ASAP2: variants seen among roughly 807,000 people sequenced by gnomAD.
The protein encoded by ASAP2 is ArfGAP with SH3 domain, ankyrin repeat and PH domain 2.
Under a neutral mutation model 131.4 loss-of-function variants are expected in ASAP2, and 45 were observed. The observed-to-expected ratio is 0.34, with a 90% CI of 0.27 to 0.44. The LOEUF is 0.44. Among genes scored for constraint, ASAP2 ranks in the 20% least tolerant of loss-of-function variants. The pLI is 1.00. For synonymous variants in ASAP2, 510 were observed against 503.0 expected (o/e 1.01, Z -0.19); for missense variants, 1,011 against 1,297.0 (o/e 0.78, Z 3.39).
At chr2:9,299,579 G>C (rs1668356124) in intron 3 of ASAP2, among the ~76,000 whole-genome samples, 2 of 152,218 alleles carry the variant, frequency 1.3e-5, no homozygotes, top group Admixed American at 1.3e-4. Flanking sequence ...AAAGCAAGCA[G>C]TGGAAGGGAA....
At chr2:9,254,254 T>TATATATATATATATATATTATATATAC (rs1553297027) in intron 1 of ASAP2, among the ~76,000 whole-genome samples, 1 of 65,764 alleles carries the variant, frequency 1.5e-5, no homozygotes, top group African/African-American at 7.4e-5. Context: ...TATATATATA[T>TATATATATATATATATATTATATATAC]ACACGTGTGT....
chr2:9,225,626 G>T (rs568574459), intron 1 of ASAP2, among the ~76,000 whole-genome samples: 2 of 152,226 alleles, frequency 1.3e-5, no homozygotes, highest in South Asian at 4.2e-4. Flanking sequence ...GGGCTTTTGC[G>T]TAGGGGAGTG....
chr2:9,360,668 A>G (rs1025072653), intron 15 of ASAP2, among the ~76,000 whole-genome samples: 1 of 152,226 alleles, frequency 6.6e-6, no homozygotes, highest in African/African-American at 2.4e-5. Flanking sequence ...TTGGAAAAAG[A>G]TGTTCATTAT....
intron 1 of ASAP2, among the ~76,000 whole-genome samples, chr2:9,209,821 A>G (rs1299032692): frequency 2.6e-5 from 4 of 152,238 alleles, no homozygotes; most frequent in African/African-American, 7.2e-5. Context: ...CACCTGCCTC[A>G]GCCTCCCACA....
intron 9 of ASAP2, chr2:9,336,059 A>G (rs1671180797): frequency 6.6e-6 from 1 of 152,224 alleles, no homozygotes; most frequent in South Asian, 2.1e-4. Flanking sequence ...GTAGTTCAGT[A>G]TTTTAATAAA....
intron 1 of ASAP2, among the ~76,000 whole-genome samples, chr2:9,228,468 G>C (rs1662929234): frequency 6.6e-6 from 1 of 152,158 alleles, no homozygotes. Context: ...CTATGTTTTG[G>C]TATTTGGTCT....
chr2:9,290,359 G>A (rs559193413), intron 2 of ASAP2, among the ~76,000 whole-genome samples: 3 of 152,208 alleles, frequency 2.0e-5, no homozygotes, highest in African/African-American at 4.8e-5. Context: ...ACAGACACCT[G>A]CCACCACTCC....
At chr2:9,317,265 ACACT>A (rs911861307) in intron 3 of ASAP2, among the ~76,000 whole-genome samples, 5 of 149,990 alleles carry the variant, frequency 3.3e-5, no homozygotes, top group African/African-American at 1.2e-4. Context: ...TGCATCACAC[ACACT>A]CATATCCACA....
Position 9,392,964 on chromosome 2 carries a change from A to G in ASAP2, c.2519-518A>G, listed in dbSNP as rs566090116. Among the ~76,000 whole-genome samples, 1 of 152,268 alleles carries G rather than the reference A, an allele frequency of 6.6e-6. No individual in the cohort carries two copies. The highest frequency in any genetic ancestry group is 1.5e-5 in the Non-Finnish European group (1 of 68,020). ...CAGCCTCCTTGTCTGTAAAACGTAG[A>G]CACTAAGAAAGCTCTTCACCCACCC... On this transcript the variant is annotated intron_variant, in intron 23 of 27. Transcript: ENST00000281419. The surrounding 1 kb of genome is among the most constrained non-coding windows in gnomAD (Gnocchi z 4.0).
At chr2:9,283,474 G>A (rs1414359405) in intron 2 of ASAP2, among the ~76,000 whole-genome samples, 1 of 152,208 alleles carries the variant, frequency 6.6e-6, no homozygotes, top group Non-Finnish European at 1.5e-5. Context: ...TGTTAACAGG[G>A]CTCCTTCCCT....
chr2:9,236,617 TAA>T (rs1433346963), intron 1 of ASAP2, among the ~76,000 whole-genome samples: 1 of 152,174 alleles, frequency 6.6e-6, no homozygotes, highest in Non-Finnish European at 1.5e-5. Flanking sequence ...CAAAGGGAAA[TAA>T]AAACTTGATA....
chr2:9,266,147 CTT>C (rs3053782), intron 1 of ASAP2, among the ~76,000 whole-genome samples: 30 of 133,806 alleles, frequency 2.2e-4, no homozygotes, highest in Admixed American at 3.1e-4. Flanking sequence ...GCCTTTTTAT[CTT>C]TTTTTTTTTT....
intron 1 of ASAP2, among the ~76,000 whole-genome samples, chr2:9,269,184 A>G (rs1182943928): frequency 2.0e-5 from 3 of 152,172 alleles, no homozygotes; most frequent in Admixed American, 6.5e-5. Flanking sequence ...TTCAAAATAT[A>G]AAAATAATAA....
At chr2:9,317,213 C>G (rs1173259490) in intron 3 of ASAP2, among the ~76,000 whole-genome samples, 1 of 133,278 alleles carries the variant, frequency 7.5e-6, no homozygotes, top group African/African-American at 2.7e-5. Flanking sequence ...CCACTCACAT[C>G]CACACTCACA....
chr2:9,294,959 A>C (rs1316125067), intron 2 of ASAP2, among the ~76,000 whole-genome samples: 1 of 152,186 alleles, frequency 6.6e-6, no homozygotes, highest in Non-Finnish European at 1.5e-5. Flanking sequence ...GCCTGTGGCC[A>C]CCAGCCCCCT....
Position 9,333,544 on chromosome 2 carries a change from TAGG to T in ASAP2, c.687-1191_687-1189del, listed in dbSNP as rs544119059. On this transcript the variant is annotated intron_variant, in intron 7 of 27. Coordinates refer to ENST00000281419, the MANE Select transcript of ASAP2 (RefSeq NM_003887.3). ...TCAGCCAGGTGAAGCAGACACACCT[TAGG>T]AGAAGGCTTTAGAGAGAAGAAACAG... 2.3e-3 allele frequency among the ~76,000 whole-genome samples: 349 copies of T among 152,202 alleles called. 2 individuals are homozygous for T. Among genetic ancestry groups the T allele is most frequent in the South Asian group, 4.8e-3 (23 of 4,814 alleles).
At chr2:9,358,991 T>C (rs1672902259) in intron 15 of ASAP2, 102 bp downstream of exon 15, 2 of 1,366,252 alleles carry the variant, frequency 1.5e-6, no homozygotes, top group African/African-American at 1.5e-5. Context: ...TGGTTGTTGA[T>C]ATGTTGCCAG....
intron 2 of ASAP2, among the ~76,000 whole-genome samples, chr2:9,292,033 A>G (rs1419621196): frequency 6.6e-6 from 1 of 152,138 alleles, no homozygotes; most frequent in Non-Finnish European, 1.5e-5. Context: ...TTCTTGTTCC[A>G]GCTCTGCTGC....
chr2:9,381,211 G>A (rs1674811533), intron 20 of ASAP2, among the ~76,000 whole-genome samples: 1 of 152,208 alleles, frequency 6.6e-6, no homozygotes, highest in Non-Finnish European at 1.5e-5. Flanking sequence ...CATGTGGGTT[G>A]CTCAATACCA....
Sources: gnomAD v4.1 joint callset for allele counts (sites outside exome capture counted in the v4.1 genomes callset) on GRCh38, gnomAD v4.1.1 for gene constraint, Gnocchi (gnomAD v3.1) non-coding constraint, MANE v1.5 for transcripts, NCBI Gene and HGNC (gene_info 2026-07-23, HGNC 2026-07-21) for gene names.